MINDY4: variants seen among roughly 807,000 people sequenced by gnomAD.
MINDY4 encodes the protein probable ubiquitin carboxyl-terminal hydrolase MINDY-4.
MINDY4 carries 68 observed loss-of-function variants against 87.0 expected under a neutral mutation model. The ratio of observed to expected loss-of-function variants is 0.78; its 90% CI spans 0.64 to 0.96. The LOEUF (loss-of-function observed/expected upper bound fraction) is 0.96. MINDY4 is among the 40% of genes least tolerant of loss of function. The pLI is 0.00. For missense variants in MINDY4, 919 were observed against 928.2 expected (o/e 0.99, Z 0.13); for synonymous variants, 379 against 363.2 (o/e 1.04, Z -0.50).
intron 15 of MINDY4, among the ~76,000 whole-genome samples, chr7:30,877,801 A>T (rs1790316164): frequency 1.7e-5 from 2 of 120,722 alleles, no homozygotes; most frequent in South Asian, 3.0e-4. Flanking sequence ...CCTCCTGAGT[A>T]GCTGGGATTA....
intron 1 of MINDY4, among the ~76,000 whole-genome samples, chr7:30,777,652 CT>C (rs1254175218): frequency 6.6e-6 from 1 of 152,202 alleles, no homozygotes; most frequent in Non-Finnish European, 1.5e-5. Flanking sequence ...CTGTGTAGCA[CT>C]GGGGGTCTGG....
At chr7:30,796,760 A>T (rs1219149298) in intron 5 of MINDY4, 2 of 152,134 alleles carry the variant, frequency 1.3e-5, no homozygotes, top group Non-Finnish European at 2.9e-5. Flanking sequence ...TTAAATAGGC[A>T]TGCTCCTCCT....
intron 5 of MINDY4, among the ~76,000 whole-genome samples, chr7:30,800,064 C>G (rs1465730544): frequency 6.6e-6 from 1 of 152,098 alleles, no homozygotes; most frequent in Non-Finnish European, 1.5e-5. Context: ...GGACGATTCT[C>G]CAGAAAAGGA....
intron 17 of MINDY4, among the ~76,000 whole-genome samples, chr7:30,889,804 A>G (rs1342187141): frequency 6.6e-6 from 1 of 152,224 alleles, no homozygotes; most frequent in African/African-American, 2.4e-5. Context: ...GTGGATGAAC[A>G]TGAAAGTGTT....
chr7:30,852,923 G>A lies in MINDY4; in HGVS notation c.1612-471G>A, dbSNP rs192020627. ...GCATTGTTGAATGTTTTCTCTTGAA[G>A]TGTTTTTTCCTGGCCTGCCTGAAAA... is the stretch of plus-strand genomic sequence containing the variant. On this transcript the variant is annotated intron_variant, in intron 11 of 17. Coordinates refer to ENST00000265299, the MANE Select transcript of MINDY4 (RefSeq NM_032222.3). 2.6e-3 allele frequency among the ~76,000 whole-genome samples: 390 copies of A among 152,324 alleles called. 1 individual carries two copies. Among genetic ancestry groups the A allele is most frequent in the African/African-American group, 9.1e-3 (377 of 41,572 alleles).
intron 17 of MINDY4, among the ~76,000 whole-genome samples, chr7:30,888,742 G>A (rs568518878): frequency 2.0e-5 from 3 of 152,274 alleles, no homozygotes; most frequent in East Asian, 3.9e-4. Context: ...ATTTTCTATT[G>A]TAATTGCAAA....
At chr7:30,780,867 C>T (rs1293797636) in intron 2 of MINDY4, 1 of 152,192 alleles carries the variant, frequency 6.6e-6, no homozygotes, top group African/African-American at 2.4e-5. Context: ...GGATCTTTCC[C>T]CTAACTCTCT....
intron 11 of MINDY4, 69 bp downstream of exon 11, chr7:30,852,348 T>G: frequency 6.2e-7 from 1 of 1,609,698 alleles, no homozygotes; most frequent in Non-Finnish European, 8.5e-7. Flanking sequence ...TTCATATAAG[T>G]AAATCCTTCC....
intron 11 of MINDY4, 53 bp from the exon 12 acceptor site, chr7:30,853,341 G>A (rs568934142): frequency 1.4e-5 from 21 of 1,461,018 alleles, no homozygotes; most frequent in South Asian, 1.3e-4. Flanking sequence ...AATTCAGGAT[G>A]GGGCACTGCG....
At chr7:30,839,398 A>C in intron 8 of MINDY4, 82 bp downstream of exon 8, 1 of 804,680 alleles carries the variant, frequency 1.2e-6, no homozygotes, top group African/African-American at 1.7e-5. Context: ...GTTTTGGTTA[A>C]TCCTGTGAGC....
intron 17 of MINDY4, among the ~76,000 whole-genome samples, chr7:30,889,195 A>G (rs1200909957): frequency 6.6e-6 from 1 of 152,230 alleles, no homozygotes; most frequent in Non-Finnish European, 1.5e-5. Context: ...ATAGAACAAT[A>G]AAAGCTTTTT....
chr7:30,814,288 G>A (rs751682278), intron 5 of MINDY4, among the ~76,000 whole-genome samples: 8 of 152,006 alleles, frequency 5.3e-5, no homozygotes, highest in African/African-American at 9.7e-5. Flanking sequence ...AATGCTATTC[G>A]GGTTATTATC....
intron 5 of MINDY4, among the ~76,000 whole-genome samples, chr7:30,816,087 T>C (rs1247916356): frequency 6.6e-6 from 1 of 151,970 alleles, no homozygotes; most frequent in Non-Finnish European, 1.5e-5. Context: ...GGATTAGCCT[T>C]TTCAGCCCTT....
At chr7:30,875,785 A>C (rs112211365) in intron 15 of MINDY4, 129 bp downstream of exon 15, 831 of 1,026,716 alleles carry the variant, frequency 8.1e-4, no homozygotes, top group Middle Eastern at 1.7e-3. Context: ...AGTTAGAATC[A>C]CAGAGGGCTT....
At chr7:30,872,536 A>C (rs897248672) in intron 14 of MINDY4, among the ~76,000 whole-genome samples, 2 of 152,210 alleles carry the variant, frequency 1.3e-5, no homozygotes, top group African/African-American at 4.8e-5. Context: ...CTTTATGTGC[A>C]CTGATGTATG....
chr7:30,854,817 C>A (rs1789523259), intron 12 of MINDY4, among the ~76,000 whole-genome samples: 1 of 152,302 alleles, frequency 6.6e-6, no homozygotes. Context: ...TGGGGCCTAC[C>A]CTAGGAACAA....
rs747990847 is a variant in MINDY4, at chr7:30,782,064, C to T, written c.271C>T (p.Gln91Ter). The change falls in exon 3 of 18, where the codon CAA (glutamine) becomes TAA (stop). Residue 91 changes from glutamine to a stop codon, truncating the protein, a stop_gained. Transcript: ENST00000265299. LOFTEE classifies it high-confidence loss of function. Reference sequence around the variant, plus strand: ...TGGAAATACGGCTAACAATTTCACTCAAGATACCCCAATCCCTGCACTCTC... The same window carrying T: ...TGGAAATACGGCTAACAATTTCACTTAAGATACCCCAATCCCTGCACTCTC... ...HFGNTANNFT[Q>*]DTPIPALSVP... 1.1e-5 allele frequency: 18 copies of T among 1,613,966 alleles called. No individual in the cohort carries two copies. The South Asian group carries it at 2.0e-4, about 18-fold the overall frequency.
rs570902137 is a variant in MINDY4 at position 30,850,509 on chromosome 7, G to A, written c.1501G>A (p.Asp501Asn). 7 of 1,612,402 alleles carry A rather than the reference G, an allele frequency of 4.3e-6. No homozygotes were observed. The East Asian group carries it at 1.3e-4, about 31-fold the overall frequency. The part of the protein sequence containing the change: ...RTRCLVLALA[D>N]IVWRAGGRER... ...CCGCTGCCTCGTCCTGGCCCTCGCA[G>A]ACATTGTGTGGCGGGCAGGGGGCCG... The change falls in exon 10 of 18, where the codon GAC becomes AAC. Residue 501 changes from aspartate (D) to asparagine (N), a missense_variant. Coordinates refer to ENST00000265299, the MANE Select transcript of MINDY4 (RefSeq NM_032222.3).
chr7:30,841,020 A>T (rs1031431484), intron 9 of MINDY4, among the ~76,000 whole-genome samples, 172 bp downstream of exon 9: 5 of 152,096 alleles, frequency 3.3e-5, no homozygotes, highest in African/African-American at 1.2e-4. Flanking sequence ...ACCAGTGTTA[A>T]GGGGACTTGT....
Sources: gnomAD v4.1 joint callset for allele counts (sites outside exome capture counted in the v4.1 genomes callset) on GRCh38, gnomAD v4.1.1 for gene constraint, MANE v1.5 for transcripts, NCBI Gene and HGNC (gene_info 2026-07-23, HGNC 2026-07-21) for gene names.